Variants in HS3ST5 observed in about 807,000 individuals in gnomAD.
HS3ST5 encodes heparan sulfate glucosamine 3-O-sulfotransferase 5.
In HS3ST5, 10 loss-of-function variants were observed where a neutral mutation model predicts 25.4. The ratio of observed to expected loss-of-function variants is 0.39; its 90% CI spans 0.24 to 0.67. The LOEUF is 0.67. Among genes scored for constraint, HS3ST5 ranks in the 30% least tolerant of loss-of-function variants. The pLI, the probability that HS3ST5 is intolerant of heterozygous loss-of-function variation, is 0.44. For missense variants in HS3ST5, 324 were observed against 420.7 expected, an observed-to-expected ratio of 0.77 and a Z score of 2.01; for synonymous variants, 170 against 162.4, an observed-to-expected ratio of 1.05 and a Z score of -0.36.
chr6:114,058,123 G>C lies in HS3ST5; in HGVS notation c.175C>G (p.Arg59Gly). 1 of 1,613,852 alleles carries C rather than the reference G, an allele frequency of 6.2e-7. No individual in the cohort carries two copies. The highest frequency in any genetic ancestry group is 1.3e-5 in the African/African-American group (1 of 75,030). ...GARTQAEFPL[R>G]ALQFKRGLLH... ...AGGCCACGCTTAAACTGCAGGGCGC[G>C]AAGTGGGAATTCAGCCTGAGTGCGG... is the stretch of plus-strand genomic sequence containing the variant. The change falls in exon 5 of 5, where the codon CGC becomes GGC. Residue 59 changes from arginine (R) to glycine (G), a missense_variant. By Grantham distance (125) the Arg-to-Gly change is moderately radical. This residue lies in a region of HS3ST5 where 121 missense variants were observed against 117.3 expected (regional missense o/e 1.03). Transcript: ENST00000312719.
intron 2 of HS3ST5, among the ~76,000 whole-genome samples, chr6:114,177,733 G>A (rs954538733): frequency 2.0e-5 from 3 of 152,096 alleles, no homozygotes; most frequent in African/African-American, 7.2e-5. Flanking sequence ...GTAAGAGTTT[G>A]TTTGTTATTT....
rs539670327 is a variant in HS3ST5 at position 114,129,571 on chromosome 6, C to T, written c.-33+38780G>A. 5.3e-5 allele frequency among the ~76,000 whole-genome samples: 8 copies of T among 152,238 alleles called. No individual in the cohort carries two copies. The South Asian group carries it at 8.3e-4, about 16-fold the overall frequency. ...CGCCCAGCCAAGAATCTTAATATAA[C>T]ATCTAGCAGAGGGTGGGATGCCAAA... On this transcript the variant is annotated intron_variant, in intron 3 of 4. Transcript: ENST00000312719.
chr6:114,267,277 G>A (rs79117533), intron 1 of HS3ST5, among the ~76,000 whole-genome samples: 2,428 of 152,230 alleles, frequency 0.016, 80 homozygotes, highest in African/African-American at 0.055. Flanking sequence ...CATTTTAAAG[G>A]GGATCAATTT....
At chr6:114,280,427 A>G (rs1774055852) in intron 1 of HS3ST5, among the ~76,000 whole-genome samples, 2 of 151,950 alleles carry the variant, frequency 1.3e-5, no homozygotes, top group African/African-American at 4.8e-5. Context: ...GCCCCAGGCT[A>G]AGATTCAGGA....
intron 1 of HS3ST5, among the ~76,000 whole-genome samples, chr6:114,233,308 G>T (rs1329747589): frequency 1.3e-5 from 2 of 152,084 alleles, no homozygotes; most frequent in Non-Finnish European, 2.9e-5. Context: ...AATAGTATGG[G>T]TTCAGAAGGT....
At chr6:114,105,121 A>T (rs1775930651) in intron 3 of HS3ST5, among the ~76,000 whole-genome samples, 1 of 152,226 alleles carries the variant, frequency 6.6e-6, no homozygotes, top group African/African-American at 2.4e-5. Context: ...TCAAAGGAAT[A>T]ATTATGAATG....
intron 2 of HS3ST5, among the ~76,000 whole-genome samples, chr6:114,215,937 A>C (rs985233933): frequency 6.6e-6 from 1 of 152,160 alleles, no homozygotes; most frequent in Admixed American, 6.5e-5. Context: ...AATTACTGAC[A>C]TCTAAAGGAG....
intron 1 of HS3ST5, among the ~76,000 whole-genome samples, chr6:114,340,897 T>A (rs906865003): frequency 1.3e-5 from 2 of 152,080 alleles, no homozygotes; most frequent in African/African-American, 4.8e-5. Flanking sequence ...CACCAGCTGT[T>A]TATTACTTCT....
Position 114,190,655 on chromosome 6 carries a change from C to A in HS3ST5, c.-144-22193G>T, listed in dbSNP as rs138779098. ...GAAAGAATCATCACCATATATAATTCTTTTCATTCTCCTTATGTGAATAAG... is the reference window on the plus strand; with the variant it reads ...GAAAGAATCATCACCATATATAATTATTTTCATTCTCCTTATGTGAATAAG... On this transcript the variant is annotated intron_variant, in intron 2 of 4. Coordinates refer to ENST00000312719, the MANE Select transcript of HS3ST5 (RefSeq NM_153612.4). Among the ~76,000 whole-genome samples the A allele has an allele frequency of 4.5e-3, 682 of 152,274 alleles. 1 individual carries two copies. Among genetic ancestry groups the A allele is most frequent in the Non-Finnish European group, 7.9e-3 (540 of 68,026 alleles).
chr6:114,339,115 TA>T (rs1373263830), intron 1 of HS3ST5, among the ~76,000 whole-genome samples: 7 of 152,102 alleles, frequency 4.6e-5, no homozygotes, highest in African/African-American at 1.2e-4. Context: ...AATATTGGGA[TA>T]AAGTATTTAG....
intron 3 of HS3ST5, among the ~76,000 whole-genome samples, chr6:114,070,866 C>T (rs1773779710): frequency 6.6e-6 from 1 of 152,206 alleles, no homozygotes; most frequent in Non-Finnish European, 1.5e-5. Context: ...TAGTTCAGGC[C>T]ACTGTGTGTT....
chr6:114,102,205 G>A (rs1775770608), intron 3 of HS3ST5, among the ~76,000 whole-genome samples: 1 of 152,132 alleles, frequency 6.6e-6, no homozygotes, highest in Non-Finnish European at 1.5e-5. Context: ...TAAAATAAAA[G>A]TTTAAAGAAT....
rs545830659 is a variant in HS3ST5, at chr6:114,199,293, A to G, written c.-145+29292T>C. On this transcript the variant is annotated intron_variant, in intron 2 of 4. Transcript: ENST00000312719. ...TTATGGCCGTAAAGGATGCCAGCAC[A>G]GGATAATGTACTGGAACAAAATAAA... Among the ~76,000 whole-genome samples, 4 of 152,336 alleles carry G rather than the reference A, an allele frequency of 2.6e-5. No individual in the cohort carries two copies. In the East Asian group the frequency reaches 7.7e-4, roughly 29 times the overall value.
intron 3 of HS3ST5, among the ~76,000 whole-genome samples, chr6:114,114,686 T>C (rs982018363): frequency 1.3e-5 from 2 of 152,138 alleles, no homozygotes; most frequent in African/African-American, 4.8e-5. Context: ...GATTTTTCCT[T>C]TCTTGACTAA....
chr6:114,314,116 T>C (rs1328518291), intron 1 of HS3ST5, among the ~76,000 whole-genome samples: 1 of 152,128 alleles, frequency 6.6e-6, no homozygotes, highest in Non-Finnish European at 1.5e-5. Context: ...TTTGTAGAGA[T>C]GGGGTTTCGC....
intron 3 of HS3ST5, among the ~76,000 whole-genome samples, chr6:114,086,763 C>T (rs886988380): frequency 3.9e-5 from 6 of 152,074 alleles, no homozygotes; most frequent in African/African-American, 1.2e-4. Context: ...GCTTTTTGTT[C>T]GGGGAACACA....
chr6:114,267,287 T>C (rs1344053166), intron 1 of HS3ST5, among the ~76,000 whole-genome samples: 1 of 152,242 alleles, frequency 6.6e-6, no homozygotes, highest in Non-Finnish European at 1.5e-5. Context: ...GGGATCAATT[T>C]CCACTGAAGC....
chr6:114,309,464 G>A (rs928709073), intron 1 of HS3ST5, among the ~76,000 whole-genome samples: 1 of 152,220 alleles, frequency 6.6e-6, no homozygotes, highest in African/African-American at 2.4e-5. Context: ...TATAATGCCA[G>A]CACTTTGGGA....
At chr6:114,236,596 T>C (rs1356430165) in intron 1 of HS3ST5, among the ~76,000 whole-genome samples, 1 of 152,224 alleles carries the variant, frequency 6.6e-6, no homozygotes, top group Non-Finnish European at 1.5e-5. Flanking sequence ...GTTTGGCTTA[T>C]AGTGGATGCT....
Sources: gnomAD v4.1 joint callset for allele counts (sites outside exome capture counted in the v4.1 genomes callset) on GRCh38, gnomAD v4.1.1 for gene constraint, gnomAD v4.1.1 regional missense constraint, MANE v1.5 for transcripts, NCBI Gene and HGNC (gene_info 2026-07-23, HGNC 2026-07-21) for gene names.